Variants in CLSTN2 observed in about 807,000 individuals in gnomAD.
The protein encoded by CLSTN2 is calsyntenin 2, also known as calsyntenin-2.
Under a neutral mutation model 101.2 loss-of-function variants are expected in CLSTN2, and 48 were observed. The observed-to-expected ratio is 0.47, with a 90% CI of 0.38 to 0.60. The LOEUF is 0.60. Ranked by LOEUF, CLSTN2 falls within the 20% of genes least tolerant of loss-of-function variation. The probability of loss-of-function intolerance (pLI) is 0.00; values close to 1 mark genes in which losing one functional copy is unlikely to be tolerated. For synonymous variants in CLSTN2, 481 were observed against 463.6 expected, an observed-to-expected ratio of 1.04 and a Z score of -0.48; for missense variants, 1,160 against 1,238.2, an observed-to-expected ratio of 0.94 and a Z score of 0.95.
In CLSTN2 at chr3:140,470,141, T is replaced by C. The variant is rs371748770; in HGVS notation, c.1344+3410T>C. 6.6e-5 allele frequency among the ~76,000 whole-genome samples: 10 copies of C among 152,372 alleles called. No homozygotes were observed. In the East Asian group the frequency reaches 9.6e-4, roughly 15 times the overall value. ...TCAGCATTTTATCTGTTCTAATGCCTGATGGGGACTCGCTTATTTCTTTAT... is the reference window on the plus strand; with the variant it reads ...TCAGCATTTTATCTGTTCTAATGCCCGATGGGGACTCGCTTATTTCTTTAT... On this transcript the variant is annotated intron_variant, in intron 8 of 16. Coordinates refer to ENST00000458420, the MANE Select transcript of CLSTN2 (RefSeq NM_022131.3).
chr3:140,232,580 C>T (rs1367063701), intron 2 of CLSTN2, among the ~76,000 whole-genome samples: 1 of 152,122 alleles, frequency 6.6e-6, no homozygotes, highest in Non-Finnish European at 1.5e-5. Flanking sequence ...CCCAGATCTC[C>T]CTGCTAAGGT....
intron 1 of CLSTN2, among the ~76,000 whole-genome samples, chr3:139,982,718 G>A (rs756017121): frequency 6.6e-6 from 1 of 152,102 alleles, no homozygotes; most frequent in Non-Finnish European, 1.5e-5. Context: ...ATCAGCCCTT[G>A]TTGCAGCCTA....
chr3:140,377,793 AT>A (rs1463169591), intron 2 of CLSTN2, among the ~76,000 whole-genome samples: 14 of 152,294 alleles, frequency 9.2e-5, no homozygotes, highest in African/African-American at 3.4e-4. Context: ...TGTTTAGCAC[AT>A]TTAGTGTAGC....
At chr3:140,427,184 A>AT (rs1491323070) in intron 5 of CLSTN2, among the ~76,000 whole-genome samples, 5,345 of 93,560 alleles carry the variant, frequency 0.057, 154 homozygotes, top group Middle Eastern at 0.083. Context: ...AAAAAAAAAA[A>AT]ATATATATAT....
intron 8 of CLSTN2, among the ~76,000 whole-genome samples, chr3:140,515,202 T>C (rs1031780190): frequency 1.5e-5 from 2 of 136,466 alleles, no homozygotes; most frequent in Non-Finnish European, 2.9e-5. Flanking sequence ...TGTATTTCTG[T>C]GGCATTGGTT....
intron 1 of CLSTN2, among the ~76,000 whole-genome samples, chr3:140,048,433 T>C (rs1292134749): frequency 6.6e-6 from 1 of 152,216 alleles, no homozygotes; most frequent in Admixed American, 6.5e-5. Context: ...TGAATGACTC[T>C]CAGAGTTGAC....
At chr3:140,320,611 C>T (rs552915618) in intron 2 of CLSTN2, among the ~76,000 whole-genome samples, 31 of 121,230 alleles carry the variant, frequency 2.6e-4, no homozygotes, top group African/African-American at 8.2e-4. Flanking sequence ...GTTTTTTTTG[C>T]GGGGGGGGGC....
chr3:140,240,152 G>A (rs9869986), intron 2 of CLSTN2, among the ~76,000 whole-genome samples: 1 of 62,796 alleles, frequency 1.6e-5, no homozygotes, highest in Non-Finnish European at 2.8e-5. Flanking sequence ...CTCTCTCTCT[G>A]TCTCTCTCTC....
chr3:140,127,901 A>T (rs2009461974), intron 1 of CLSTN2, among the ~76,000 whole-genome samples: 1 of 152,210 alleles, frequency 6.6e-6, no homozygotes, highest in African/African-American at 2.4e-5. Flanking sequence ...AAACCCTGGC[A>T]ATACCACACT....
At chr3:140,276,963 A>G (rs1310822061) in intron 2 of CLSTN2, among the ~76,000 whole-genome samples, 3 of 152,194 alleles carry the variant, frequency 2.0e-5, no homozygotes, top group African/African-American at 7.2e-5. Context: ...CAGCATACAC[A>G]GGAACAGTCC....
intron 1 of CLSTN2, among the ~76,000 whole-genome samples, chr3:140,038,480 C>T (rs1349714822): frequency 6.6e-6 from 1 of 151,930 alleles, no homozygotes; most frequent in Non-Finnish European, 1.5e-5. Flanking sequence ...AATGTTCTTC[C>T]ATTCTGTAGG....
At chr3:140,299,089 A>G (rs990896139) in intron 2 of CLSTN2, among the ~76,000 whole-genome samples, 2 of 152,120 alleles carry the variant, frequency 1.3e-5, no homozygotes, top group Admixed American at 6.5e-5. Context: ...GCTAAGTGCT[A>G]CTGGCTCCTA....
chr3:140,536,902 G>T (rs1448446870), intron 9 of CLSTN2, among the ~76,000 whole-genome samples: 2 of 152,160 alleles, frequency 1.3e-5, no homozygotes, highest in African/African-American at 4.8e-5. Flanking sequence ...ACACCACACT[G>T]CTTTGTTAAA....
chr3:140,091,840 G>A (rs781360228), intron 1 of CLSTN2, among the ~76,000 whole-genome samples: 11 of 152,262 alleles, frequency 7.2e-5, no homozygotes, highest in African/African-American at 2.2e-4. Flanking sequence ...CGCTTTTATT[G>A]CCTCACCATA....
intron 1 of CLSTN2, among the ~76,000 whole-genome samples, chr3:139,953,540 C>T (rs887219648): frequency 2.6e-5 from 4 of 152,152 alleles, no homozygotes; most frequent in African/African-American, 9.7e-5. Context: ...GCCCCTAGAC[C>T]CCTCTGTGCT....
chr3:140,252,527 C>A (rs1268854943), intron 2 of CLSTN2, among the ~76,000 whole-genome samples: 1 of 152,176 alleles, frequency 6.6e-6, no homozygotes, highest in Non-Finnish European at 1.5e-5. Flanking sequence ...AAAAACACAG[C>A]CAGAAAGGTA....
chr3:140,360,420 A>T (rs1043736389), intron 2 of CLSTN2, among the ~76,000 whole-genome samples: 1 of 152,248 alleles, frequency 6.6e-6, no homozygotes, highest in Non-Finnish European at 1.5e-5. Context: ...CTGGTGTGAC[A>T]GCAAGTACCT....
intron 2 of CLSTN2, among the ~76,000 whole-genome samples, chr3:140,321,245 C>T (rs992236755): frequency 1.3e-5 from 2 of 152,162 alleles, no homozygotes; most frequent in Non-Finnish European, 2.9e-5. Flanking sequence ...TAGCCCTGGA[C>T]TCTCCATATC....
At chr3:140,387,528 G>C (rs768122901) in intron 2 of CLSTN2, among the ~76,000 whole-genome samples, 1 of 152,176 alleles carries the variant, frequency 6.6e-6, no homozygotes, top group Non-Finnish European at 1.5e-5. Flanking sequence ...TTAATTTCCA[G>C]ATAAAAAATT....
Sources: gnomAD v4.1 joint callset for allele counts (sites outside exome capture counted in the v4.1 genomes callset) on GRCh38, gnomAD v4.1.1 for gene constraint, MANE v1.5 for transcripts, NCBI Gene and HGNC (gene_info 2026-07-23, HGNC 2026-07-21) for gene names.